The following MELTF variants were observed in gnomAD, a reference collection of about 807,000 sequenced individuals.
The protein encoded by MELTF is melanotransferrin.
In MELTF, 67 loss-of-function variants were observed where a neutral mutation model predicts 83.7. The ratio of observed to expected loss-of-function variants is 0.80; its 90% CI spans 0.66 to 0.98. The LOEUF is 0.98. MELTF is among the 50% of genes least tolerant of loss of function. The pLI, the probability that MELTF is intolerant of heterozygous loss-of-function variation, is 0.00. For synonymous variants in MELTF, 462 were observed against 447.6 expected, an observed-to-expected ratio of 1.03 and a Z score of -0.41; for missense variants, 1,002 against 1,035.6, an observed-to-expected ratio of 0.97 and a Z score of 0.44.
intron 3 of MELTF, among the ~76,000 whole-genome samples, chr3:197,025,236 G>A (rs899458817): frequency 2.6e-5 from 4 of 152,256 alleles, no homozygotes; most frequent in Non-Finnish European, 5.9e-5. Flanking sequence ...CAAACTGCCC[G>A]GTGGTGTGGG....
chr3:197,016,822 CAT>C (rs1560217271), intron 7 of MELTF, among the ~76,000 whole-genome samples: 15 of 152,192 alleles, frequency 9.9e-5, no homozygotes, highest in Non-Finnish European at 1.9e-4. Context: ...TTTATTTGCT[CAT>C]ATGTTTTGGT....
rs1327049504 is a variant in MELTF, at chr3:197,004,084, C to T, written c.1954G>A (p.Asp652Asn). Reference protein sequence around the residue: ...LDKAQDLFGDDHNKNGFKMFD... With the variant: ...LDKAQDLFGDNHNKNGFKMFD... ...ATTTTGAACCCGTTCTTATTGTGGT[C>T]GTCTCCAAACAGGTCCTGGAAGCAC... Residue 652 changes from aspartate to asparagine, a missense_variant, in exon 15 of 16, where the codon GAC (aspartate) becomes AAC (asparagine). Physicochemically the swap from Asp to Asn is conservative, Grantham distance 23. Transcript: ENST00000296350. 2 of 1,614,058 alleles carry T rather than the reference C, an allele frequency of 1.2e-6. No homozygotes were observed. Among genetic ancestry groups the T allele is most frequent in the Non-Finnish European group, 1.7e-6 (2 of 1,180,016 alleles).
Position 197,004,358 on chromosome 3 carries a change from A to C in MELTF, c.1939-259T>G, listed in dbSNP as rs1025520621. On this transcript the variant is annotated intron_variant, in intron 14 of 15. Coordinates refer to ENST00000296350, the MANE Select transcript of MELTF (RefSeq NM_005929.6). ...CTGCGGTGCTCCAGCTCCTGGATGC[A>C]GGTCTGAGGCCTGAGATGTCCAGGA... 3 of 526,884 alleles carry C rather than the reference A, an allele frequency of 5.7e-6. No homozygotes were observed. The African/African-American group carries it at 5.7e-5, about 10-fold the overall frequency. The allele number at this position is 526,884 out of a possible 1,614,324, so 32.6% of individuals were successfully genotyped here. A position where few individuals can be genotyped will look rare whatever the true frequency, so the allele number is the denominator to read the frequency against.
Position 197,011,362 on chromosome 3 carries a change from C to G in MELTF, c.1234-568G>C, listed in dbSNP as rs1391690952. Reference sequence around the variant, plus strand: ...TCTTCCCAGGACCCTCCTGGGGCCTCCAGGTCACCTGCACCCACCCCGCTT... The same window carrying G: ...TCTTCCCAGGACCCTCCTGGGGCCTGCAGGTCACCTGCACCCACCCCGCTT... On this transcript the variant is annotated intron_variant, in intron 9 of 15. Transcript: ENST00000296350. The surrounding 1 kb of genome is among the most constrained non-coding windows in gnomAD (Gnocchi z 4.2). Among the ~76,000 whole-genome samples the G allele has an allele frequency of 6.6e-6, 1 of 152,158 alleles. No homozygotes were observed. Among genetic ancestry groups the G allele is most frequent in the Non-Finnish European group, 1.5e-5 (1 of 68,018 alleles).
At chr3:197,026,963 TA>T (rs947904419) in intron 2 of MELTF, 5,419 of 490,376 alleles carry the variant, frequency 0.011, 2 homozygotes, top group South Asian at 0.015. Context: ...CTAATAATGT[TA>T]AAAAAAAAAT....
chr3:197,029,601 C>G lies in MELTF; in HGVS notation c.49+53G>C. ...CAGCCCCGGGACCTGCTCAGCCGGG[C>G]CGCGGCGCCCCGGGACCCCCGCCCG... On this transcript the variant is annotated intron_variant, in intron 1 of 15. Transcript: ENST00000296350. The surrounding 1 kb of genome is among the most constrained non-coding windows in gnomAD (Gnocchi z 6.5). The G allele has an allele frequency of 8.2e-7, 1 of 1,226,062 alleles. No homozygotes were observed. The highest frequency in any genetic ancestry group is 1.0e-6 in the Non-Finnish European group (1 of 979,890). The allele number at this position is 1,226,062 out of a possible 1,614,324, so 75.9% of individuals were successfully genotyped here. A position where few individuals can be genotyped will look rare whatever the true frequency, so the allele number is the denominator to read the frequency against.
chr3:197,015,295 GT>G (rs1453679798), intron 9 of MELTF, 69 bp downstream of exon 9: 58 of 1,470,150 alleles, frequency 3.9e-5, no homozygotes, highest in Admixed American at 1.0e-4. Context: ...GGGGGTGTGG[GT>G]AGTAAGAACT....
At chr3:197,021,183 C>A in intron 6 of MELTF, 1 of 554,182 alleles carries the variant, frequency 1.8e-6, no homozygotes, top group Non-Finnish European at 3.2e-6. Flanking sequence ...TTCTCCTGCC[C>A]TGTGGGCAGT....
In MELTF at chr3:197,016,355, G is replaced by A. The variant is rs141157202; in HGVS notation, c.915C>T (p.His305=). The change falls in exon 8 of 16, where the codon CAC becomes CAT. Residue 305 remains histidine, a synonymous_variant. Coordinates refer to ENST00000296350, the MANE Select transcript of MELTF (RefSeq NM_005929.6). ...LLNEGQRLFS[H]EGSSFQMFSS... ...TGAACATCTGGAAGCTGCTGCCCTC[G>A]TGGCTGAACAGACGCTGTGTGTCAA... 898 of 1,594,406 alleles carry A rather than the reference G, an allele frequency of 5.6e-4. 7 individuals are homozygous for A. The African/African-American group carries it at 0.011, about 20-fold the overall frequency.
At chr3:197,014,074 C>G (rs1719273684) in intron 9 of MELTF, among the ~76,000 whole-genome samples, 1 of 152,168 alleles carries the variant, frequency 6.6e-6, no homozygotes, top group Admixed American at 6.5e-5. Context: ...TATCGCAGCA[C>G]TGGCCACAAT....
Position 197,004,004 on chromosome 3 carries a change from G to A in MELTF, c.2034C>T (p.Val678=), listed in dbSNP as rs769651004. The change falls in exon 15 of 16, where the codon GTC becomes GTT. Residue 678 remains valine, a synonymous_variant. Transcript: ENST00000296350. ...GQDLLFKDAT[V]RAVPVGEKTT... is the part of the protein sequence containing the mutation. ...TTTTCTCTCCGACAGGCACCGCCCG[G>A]ACGGTGGCATCCTTGAAAAGCAGGT... is the stretch of plus-strand genomic sequence containing the variant. 2.5e-6 allele frequency: 4 copies of A among 1,614,080 alleles called. No homozygotes were observed. The highest frequency in any genetic ancestry group is 3.4e-6 in the Non-Finnish European group (4 of 1,180,034).
intron 6 of MELTF, 33 bp downstream of exon 6, chr3:197,021,371 G>T: frequency 6.2e-7 from 1 of 1,611,008 alleles, no homozygotes. Context: ...CTGACTCCCT[G>T]CTCCTCTGGG....
intron 6 of MELTF, among the ~76,000 whole-genome samples, chr3:197,020,491 A>ACG (rs778392164): frequency 3.7e-4 from 56 of 150,360 alleles, no homozygotes; most frequent in African/African-American, 1.3e-3. Context: ...ACACACACGC[A>ACG]CACACACACA....
intron 9 of MELTF, among the ~76,000 whole-genome samples, chr3:197,013,860 G>A (rs904314403): frequency 6.6e-6 from 1 of 152,264 alleles, no homozygotes; most frequent in African/African-American, 2.4e-5. Flanking sequence ...ACAAATGCTA[G>A]TGAGGATGCA....
At chr3:197,017,653 G>T (rs993398628) in intron 6 of MELTF, among the ~76,000 whole-genome samples, 1 of 152,134 alleles carries the variant, frequency 6.6e-6, no homozygotes, top group Non-Finnish European at 1.5e-5. Context: ...CGAGGTGGGC[G>T]GATCACGAGG....
chr3:197,017,335 G>A (rs1353100224), intron 6 of MELTF, 45 bp from the exon 7 acceptor site: 3 of 1,466,864 alleles, frequency 2.0e-6, no homozygotes, highest in Non-Finnish European at 2.7e-6. Flanking sequence ...GAAAGGGGTT[G>A]GGGCGGGTGG....
chr3:197,021,507 G>A, intron 5 of MELTF, 36 bp from the exon 6 acceptor site: 2 of 1,590,264 alleles, frequency 1.3e-6, no homozygotes, highest in Non-Finnish European at 8.6e-7. Context: ...GATGGGCTGA[G>A]CCCCTGCCCC....
chr3:197,014,065 A>G (rs907056995), intron 9 of MELTF, among the ~76,000 whole-genome samples: 28 of 152,242 alleles, frequency 1.8e-4, no homozygotes, highest in African/African-American at 6.8e-4. Context: ...CCCCATGTTT[A>G]TCGCAGCACT....
chr3:197,017,626 C>G (rs923756246), intron 6 of MELTF, among the ~76,000 whole-genome samples: 9 of 152,166 alleles, frequency 5.9e-5, no homozygotes, highest in African/African-American at 2.2e-4. Context: ...GCCTGTAATC[C>G]CAGCACTTTG....
Sources: gnomAD v4.1 joint callset for allele counts (sites outside exome capture counted in the v4.1 genomes callset) on GRCh38, gnomAD v4.1.1 for gene constraint, Gnocchi (gnomAD v3.1) non-coding constraint, MANE v1.5 for transcripts, NCBI Gene and HGNC (gene_info 2026-07-23, HGNC 2026-07-21) for gene names.